The following NELL1 variants were observed in gnomAD, a reference collection of about 807,000 sequenced individuals.
The protein encoded by NELL1 is protein kinase C-binding protein NELL1.
A neutral mutation model predicts 107.4 loss-of-function variants in NELL1; 76 were observed. The observed-to-expected ratio is 0.71, with a 90% CI of 0.59 to 0.86. The LOEUF is 0.86. NELL1 is among the 40% of genes least tolerant of loss of function. NELL1 has a pLI of 0.00. For missense variants in NELL1, 1,024 were observed against 1,005.5 expected, an observed-to-expected ratio of 1.02 and a Z score of -0.25; for synonymous variants, 353 against 341.2, an observed-to-expected ratio of 1.03 and a Z score of -0.38.
intron 12 of NELL1, among the ~76,000 whole-genome samples, chr11:21,057,659 A>G (rs796854254): frequency 2.2e-4 from 34 of 152,112 alleles, no homozygotes; most frequent in African/African-American, 7.7e-4. Context: ...AATATTTGGT[A>G]TATTATTATG....
At chr11:20,745,015 T>G (rs1403968968) in intron 2 of NELL1, among the ~76,000 whole-genome samples, 4 of 152,200 alleles carry the variant, frequency 2.6e-5, no homozygotes, top group Non-Finnish European at 5.9e-5. Context: ...GAAGAAGCCT[T>G]CTCTCTACCA....
intron 14 of NELL1, among the ~76,000 whole-genome samples, chr11:21,265,749 T>C (rs1011695327): frequency 2.0e-5 from 3 of 151,982 alleles, no homozygotes; most frequent in African/African-American, 7.2e-5. Flanking sequence ...CTTTACTGTC[T>C]CTCTCTCTTT....
intron 13 of NELL1, among the ~76,000 whole-genome samples, chr11:21,159,521 C>T (rs1856315519): frequency 6.6e-6 from 1 of 152,152 alleles, no homozygotes; most frequent in Non-Finnish European, 1.5e-5. Context: ...GCATCTGTCA[C>T]CAAAGTTGCA....
intron 12 of NELL1, among the ~76,000 whole-genome samples, chr11:20,970,053 GTCCATCCATCCATCCA>G (rs3046320): frequency 2.5e-4 from 32 of 126,050 alleles, no homozygotes; most frequent in East Asian, 7.8e-4. Context: ...CTATCTCTCT[GTCCATCCATCCATCCA>G]TCCATCCATC....
intron 15 of NELL1, among the ~76,000 whole-genome samples, chr11:21,402,760 T>C (rs1852129609): frequency 6.6e-6 from 1 of 151,640 alleles, no homozygotes; most frequent in Admixed American, 6.6e-5. Context: ...TGAAAGGTAG[T>C]TTGAAGTACA....
At chr11:21,229,654 T>C (rs1670638) in intron 14 of NELL1, among the ~76,000 whole-genome samples, 200 bp downstream of exon 14, 41,847 of 152,086 alleles carry the variant, frequency 0.28, 5,918 homozygotes, top group Non-Finnish European at 0.31. Flanking sequence ...AAGAAAAAGG[T>C]ATAGGTATGG....
chr11:21,080,513 A>T (rs970891531), intron 12 of NELL1, among the ~76,000 whole-genome samples: 1 of 152,114 alleles, frequency 6.6e-6, no homozygotes, highest in African/African-American at 2.4e-5. Context: ...ATATAGAATC[A>T]TATTATATCT....
intron 14 of NELL1, among the ~76,000 whole-genome samples, chr11:21,334,380 A>C (rs1046908212): frequency 2.6e-5 from 4 of 151,920 alleles, no homozygotes; most frequent in African/African-American, 7.3e-5. Context: ...AAAATATTTT[A>C]TATCTAAAAA....
At chr11:21,444,386 A>T (rs1853365707) in intron 15 of NELL1, among the ~76,000 whole-genome samples, 1 of 152,130 alleles carries the variant, frequency 6.6e-6, no homozygotes, top group Admixed American at 6.5e-5. Flanking sequence ...GATATGCACA[A>T]GTTTAAGGGT....
At chr11:21,176,284 T>C (rs1023844877) in intron 13 of NELL1, among the ~76,000 whole-genome samples, 12 of 151,894 alleles carry the variant, frequency 7.9e-5, no homozygotes, top group Non-Finnish European at 1.3e-4. Context: ...TCCACCTTAG[T>C]GAAGTAAAAT....
chr11:21,137,561 G>A (rs1242682793), intron 13 of NELL1, among the ~76,000 whole-genome samples: 1 of 152,226 alleles, frequency 6.6e-6, no homozygotes, highest in Non-Finnish European at 1.5e-5. Context: ...GGTTTTGGCA[G>A]TCAAAGGATT....
intron 13 of NELL1, among the ~76,000 whole-genome samples, chr11:21,156,439 A>G (rs944897047): frequency 1.3e-5 from 2 of 152,090 alleles, no homozygotes; most frequent in African/African-American, 4.8e-5. Context: ...TGGACAGTGG[A>G]GCTCATCTAG....
chr11:20,669,749 T>C lies in NELL1; in HGVS notation c.26T>C (p.Val9Ala). ...ATGCCGATGGATTTGATTTTAGTTG[T>C]GTGGTTCTGTGTGTGCACTGCCAGG... MPMDLILV[V>A]WFCVCTARTV... Residue 9 changes from valine (V) to alanine (A), a missense_variant, in exon 1 of 20, where the codon GTG (valine) becomes GCG (alanine). Transcript: ENST00000357134. The surrounding 1 kb of genome is among the most constrained non-coding windows in gnomAD (Gnocchi z 4.4). The C allele has an allele frequency of 1.2e-6, 2 of 1,613,646 alleles. No individual in the cohort carries two copies. The highest frequency in any genetic ancestry group is 8.5e-7 in the Non-Finnish European group (1 of 1,179,758).
At chr11:20,937,917 G>T (rs968504384) in intron 10 of NELL1, 58 bp downstream of exon 10, 1 of 1,535,226 alleles carries the variant, frequency 6.5e-7, no homozygotes, top group Admixed American at 1.7e-5. Flanking sequence ...TAGATGTGTG[G>T]GCTTTAGATG....
chr11:21,171,311 TAC>T (rs753213425), intron 13 of NELL1, among the ~76,000 whole-genome samples: 1 of 151,690 alleles, frequency 6.6e-6, no homozygotes, highest in Non-Finnish European at 1.5e-5. Context: ...CACACACACA[TAC>T]ACACACAAAG....
Position 21,374,566 on chromosome 11 carries a change from C to G in NELL1, c.1645+3618C>G, listed in dbSNP as rs773975389. Among the ~76,000 whole-genome samples, 11 of 152,150 alleles carry G rather than the reference C, an allele frequency of 7.2e-5. 1 individual carries two copies. Among genetic ancestry groups the G allele is most frequent in the Non-Finnish European group, 5.9e-5 (4 of 67,986 alleles). ...TTCTGTTCCTTAGAGGAGACTCACT[C>G]TAGCCCACACTCAAGGAGAGAGGAA... On this transcript the variant is annotated intron_variant, in intron 15 of 19. Transcript: ENST00000357134.
chr11:21,297,905 A>G (rs1025526788), intron 14 of NELL1, among the ~76,000 whole-genome samples: 1 of 151,876 alleles, frequency 6.6e-6, no homozygotes, highest in Admixed American at 6.6e-5. Flanking sequence ...GGAGGGAGGG[A>G]GTAGAGAAAG....
chr11:20,827,564 G>A (rs1564925191), intron 3 of NELL1, among the ~76,000 whole-genome samples: 1 of 151,158 alleles, frequency 6.6e-6, no homozygotes, highest in Non-Finnish European at 1.5e-5. Flanking sequence ...TATTCCAGGT[G>A]TTTCTGAGGG....
intron 13 of NELL1, among the ~76,000 whole-genome samples, chr11:21,220,121 T>A (rs1045229459): frequency 3.3e-5 from 5 of 152,208 alleles, no homozygotes; most frequent in Non-Finnish European, 4.4e-5. Flanking sequence ...AGGTTTACAA[T>A]TCGACATGAG....
Sources: gnomAD v4.1 joint callset for allele counts (sites outside exome capture counted in the v4.1 genomes callset) on GRCh38, gnomAD v4.1.1 for gene constraint, Gnocchi (gnomAD v3.1) non-coding constraint, MANE v1.5 for transcripts, NCBI Gene and HGNC (gene_info 2026-07-23, HGNC 2026-07-21) for gene names.